The following TTC39B variants were observed in gnomAD, a reference collection of about 807,000 sequenced individuals.
TTC39B encodes tetratricopeptide repeat protein 39B.
In TTC39B, 92 loss-of-function variants were observed where a neutral mutation model predicts 96.6. The ratio of observed to expected loss-of-function variants is 0.95; its 90% confidence interval spans 0.80 to 1.13. TTC39B has a LOEUF of 1.13. Among genes scored for constraint, TTC39B ranks in the 50% most tolerant of loss-of-function variants. The pLI, the probability that TTC39B is intolerant of heterozygous loss-of-function variation, is 0.00. For missense variants in TTC39B, 955 were observed against 809.3 expected (o/e 1.18, Z -2.18); for synonymous variants, 367 against 299.4 (o/e 1.23, Z -2.33).
At chr9:15,285,593 GC>G (rs1823939287) in intron 1 of TTC39B, among the ~76,000 whole-genome samples, 1 of 152,144 alleles carries the variant, frequency 6.6e-6, no homozygotes, top group Non-Finnish European at 1.5e-5. Flanking sequence ...GGTGGCTCAC[GC>G]CTGTAATCCC....
At chr9:15,241,393 T>C (rs1321228318) in intron 2 of TTC39B, among the ~76,000 whole-genome samples, 2 of 152,192 alleles carry the variant, frequency 1.3e-5, no homozygotes, top group Non-Finnish European at 2.9e-5. Flanking sequence ...GACTTATATT[T>C]AGTAAACTAA....
intron 10 of TTC39B, 40 bp downstream of exon 10, chr9:15,191,150 T>G: frequency 7.0e-7 from 1 of 1,427,694 alleles, no homozygotes; most frequent in Non-Finnish European, 9.9e-7. Context: ...AATACTGTCT[T>G]ATCTTCCCTG....
chr9:15,176,995 G>A (rs1424668870), intron 18 of TTC39B, among the ~76,000 whole-genome samples: 1 of 152,134 alleles, frequency 6.6e-6, no homozygotes, highest in Non-Finnish European at 1.5e-5. Context: ...ACTGCCCTTT[G>A]CCAAAAGAGA....
intron 1 of TTC39B, among the ~76,000 whole-genome samples, chr9:15,272,679 T>C (rs1191143584): frequency 6.6e-6 from 1 of 152,206 alleles, no homozygotes; most frequent in African/African-American, 2.4e-5. Context: ...CTTGACTCTC[T>C]AGTTGGAGTC....
At chr9:15,185,593 G>A in intron 15 of TTC39B, 187 bp from the exon 16 acceptor site, 2 of 764,902 alleles carry the variant, frequency 2.6e-6, no homozygotes, top group Non-Finnish European at 3.9e-6. Flanking sequence ...CCAGGGCCGG[G>A]GCCGAGCAAT....
intron 18 of TTC39B, 25 bp downstream of exon 18, chr9:15,177,672 G>C: frequency 2.0e-6 from 3 of 1,508,390 alleles, no homozygotes; most frequent in Non-Finnish European, 2.7e-6. Flanking sequence ...TTTGCACTTG[G>C]GCTGGTTTTA....
chr9:15,182,175 A>G (rs1818281181), intron 17 of TTC39B, 132 bp downstream of exon 17: 1 of 542,842 alleles, frequency 1.8e-6, no homozygotes, highest in South Asian at 3.0e-5. Context: ...AATCACCCAG[A>G]CCCCTGCAGC....
At chr9:15,194,921 A>G (rs1401796331) in intron 8 of TTC39B, among the ~76,000 whole-genome samples, 2 of 152,206 alleles carry the variant, frequency 1.3e-5, no homozygotes, top group African/African-American at 4.8e-5. Context: ...CAAAATTGAA[A>G]TTAGGCCAGT....
At chr9:15,241,881 T>TG in intron 2 of TTC39B, among the ~76,000 whole-genome samples, 1 of 152,018 alleles carries the variant, frequency 6.6e-6, no homozygotes. Context: ...TAGCTGGGAC[T>TG]ACAGGCACAT....
At chr9:15,169,483 T>C (rs1013161739) in exon 20 of TTC39B, 4 of 152,064 alleles carry the variant, frequency 2.6e-5, no homozygotes, top group African/African-American at 9.7e-5. Flanking sequence ...CTACATGAAT[T>C]GCACTGTCAG....
At chr9:15,177,540 G>A (rs531428502) in intron 18 of TTC39B, among the ~76,000 whole-genome samples, 157 bp downstream of exon 18, 3 of 152,186 alleles carry the variant, frequency 2.0e-5, no homozygotes, top group East Asian at 1.9e-4. Context: ...TTTTGTTCAC[G>A]AGGAAGAACA....
chr9:15,295,058 T>C (rs892975658), intron 1 of TTC39B, among the ~76,000 whole-genome samples: 5 of 152,350 alleles, frequency 3.3e-5, no homozygotes, highest in African/African-American at 1.2e-4. Context: ...ATTTTTCCTA[T>C]TTTTTGATGC....
chr9:15,200,989 C>G (rs1256574452), intron 7 of TTC39B, among the ~76,000 whole-genome samples: 1 of 152,044 alleles, frequency 6.6e-6, no homozygotes, highest in Non-Finnish European at 1.5e-5. Flanking sequence ...CAGAGCGAGA[C>G]TCCATCTCAA....
chr9:15,232,004 G>A (rs759603826), intron 2 of TTC39B, among the ~76,000 whole-genome samples: 1 of 152,094 alleles, frequency 6.6e-6, no homozygotes, highest in South Asian at 2.1e-4. Context: ...CACCAGGGCT[G>A]GAGCTTGAGC....
chr9:15,276,930 G>C (rs968968365), intron 1 of TTC39B, among the ~76,000 whole-genome samples: 1 of 152,214 alleles, frequency 6.6e-6, no homozygotes, highest in Non-Finnish European at 1.5e-5. Context: ...TCAGGAGATG[G>C]GGCTGGGATC....
intron 8 of TTC39B, among the ~76,000 whole-genome samples, chr9:15,193,566 A>G (rs1250920238): frequency 6.6e-6 from 1 of 152,216 alleles, no homozygotes; most frequent in Non-Finnish European, 1.5e-5. Context: ...AAGGGTTTAG[A>G]GAGTCAATTC....
intron 7 of TTC39B, among the ~76,000 whole-genome samples, chr9:15,200,953 C>G (rs1321427816): frequency 6.6e-6 from 1 of 152,078 alleles, no homozygotes; most frequent in African/African-American, 2.4e-5. Flanking sequence ...GAGCCAAGAT[C>G]GCGCCACTGC....
chr9:15,221,005 A>G (rs2131385868), intron 3 of TTC39B, among the ~76,000 whole-genome samples: 1 of 152,316 alleles, frequency 6.6e-6, no homozygotes, highest in African/African-American at 2.4e-5. Context: ...TCAGTGCATG[A>G]TATCAGGGCT....
intron 1 of TTC39B, among the ~76,000 whole-genome samples, chr9:15,292,044 T>G (rs1416704842): frequency 6.6e-6 from 1 of 152,234 alleles, no homozygotes; most frequent in African/African-American, 2.4e-5. Flanking sequence ...GGCCATTAAC[T>G]TAATTAGCAA....
Sources: gnomAD v4.1 joint callset for allele counts (sites outside exome capture counted in the v4.1 genomes callset) on GRCh38, gnomAD v4.1.1 for gene constraint, MANE v1.5 for transcripts, NCBI Gene and HGNC (gene_info 2026-07-23, HGNC 2026-07-21) for gene names.